Variants in TEAD1 observed in about 807,000 individuals in gnomAD.
TEAD1 encodes TEA domain transcription factor 1, also known as transcriptional enhancer factor TEF-1.
TEAD1 carries 9 observed loss-of-function variants against 54.9 expected under a neutral mutation model. The observed-to-expected ratio is 0.16, with a 90% confidence interval of 0.10 to 0.29. The LOEUF (loss-of-function observed/expected upper bound fraction) is 0.29, where lower values mean the gene tolerates loss of function less well. Among genes scored for constraint, TEAD1 ranks in the 10% least tolerant of loss-of-function variants. The pLI is 1.00. For synonymous variants in TEAD1, 200 were observed against 187.8 expected, an observed-to-expected ratio of 1.07 and a Z score of -0.53; for missense variants, 387 against 535.9, an observed-to-expected ratio of 0.72 and a Z score of 2.74.
intron 2 of TEAD1, among the ~76,000 whole-genome samples, chr11:12,732,569 G>T (rs1359964843): frequency 6.6e-6 from 1 of 152,168 alleles, no homozygotes; most frequent in Non-Finnish European, 1.5e-5. Context: ...CATGGGTAAT[G>T]GATGTAGTAA....
rs1375059989 is a variant in TEAD1, at chr11:12,937,998, A to G, written c.*776A>G. The G allele has an allele frequency of 6.6e-6, 1 of 152,468 alleles. No individual in the cohort carries two copies. The highest frequency in any genetic ancestry group is 1.9e-4 in the East Asian group (1 of 5,200). 9.4% of individuals were successfully genotyped at this position (152,468 alleles called of 1,614,324 possible). The stretch of plus-strand genomic sequence containing the variant: ...ATATAGTATATTTAAAAAATATAAA[A>G]TTGTATTGTACTAATGTGATGATGG... On this transcript the variant is annotated 3_prime_UTR_variant, in exon 13 of 13. Coordinates refer to ENST00000527636, the MANE Select transcript of TEAD1 (RefSeq NM_021961.6).
intron 2 of TEAD1, among the ~76,000 whole-genome samples, chr11:12,720,508 T>A (rs191509944): frequency 9.1e-4 from 139 of 152,338 alleles, no homozygotes; most frequent in Middle Eastern, 6.8e-3. Context: ...ATTATTTAAT[T>A]ATCAGAACAA....
At chr11:12,680,894 T>C (rs769947765) in intron 2 of TEAD1, among the ~76,000 whole-genome samples, 14 of 152,186 alleles carry the variant, frequency 9.2e-5, no homozygotes, top group Non-Finnish European at 1.3e-4. Flanking sequence ...GATGTGGGCC[T>C]CAGATAAGCT....
chr11:12,725,448 CA>C (rs1944292678), intron 2 of TEAD1, among the ~76,000 whole-genome samples: 2 of 152,230 alleles, frequency 1.3e-5, no homozygotes, highest in South Asian at 2.1e-4. Flanking sequence ...TTGTGTATTT[CA>C]AAGTAACTAA....
intron 3 of TEAD1, among the ~76,000 whole-genome samples, chr11:12,817,691 G>A (rs1470581163): frequency 6.6e-6 from 1 of 152,118 alleles, no homozygotes; most frequent in Non-Finnish European, 1.5e-5. Flanking sequence ...TATTTCATGA[G>A]TACCCACGTT....
intron 2 of TEAD1, among the ~76,000 whole-genome samples, chr11:12,697,945 C>T (rs368727129): frequency 2.6e-5 from 4 of 151,730 alleles, no homozygotes; most frequent in African/African-American, 9.7e-5. Context: ...ATCGCTTGAA[C>T]CCAGGAGTCA....
intron 2 of TEAD1, 47 bp from the exon 3 acceptor site, chr11:12,764,132 G>A: frequency 8.1e-7 from 1 of 1,234,670 alleles, no homozygotes; most frequent in South Asian, 1.5e-5. Flanking sequence ...AGAGCATTAT[G>A]TTTGTGGTTA....
chr11:12,804,594 T>TGTGC (rs535744506), intron 3 of TEAD1, among the ~76,000 whole-genome samples: 135 of 152,308 alleles, frequency 8.9e-4, no homozygotes, highest in African/African-American at 3.1e-3. Flanking sequence ...TTTTGTTGAC[T>TGTGC]GTGCGATCAC....
chr11:12,841,039 A>G (rs1158988380), intron 3 of TEAD1, among the ~76,000 whole-genome samples: 2 of 152,240 alleles, frequency 1.3e-5, no homozygotes, highest in Non-Finnish European at 2.9e-5. Context: ...TTTAACATGA[A>G]AATACGCTAA....
intron 10 of TEAD1, among the ~76,000 whole-genome samples, chr11:12,908,583 A>C (rs1371085506): frequency 6.6e-6 from 1 of 152,228 alleles, no homozygotes; most frequent in Non-Finnish European, 1.5e-5. Context: ...CGTAAGGTGA[A>C]TAAACTATTA....
chr11:12,720,844 C>T (rs539529928), intron 2 of TEAD1, among the ~76,000 whole-genome samples: 2 of 152,292 alleles, frequency 1.3e-5, no homozygotes, highest in South Asian at 4.1e-4. Context: ...GACCCTCTCC[C>T]AGCATTCCCA....
chr11:12,793,524 A>G (rs1945850400), intron 3 of TEAD1, among the ~76,000 whole-genome samples: 1 of 152,118 alleles, frequency 6.6e-6, no homozygotes, highest in East Asian at 1.9e-4. Flanking sequence ...TTTCTTTCAT[A>G]CAATATTGTT....
chr11:12,751,605 T>C (rs555602522), intron 2 of TEAD1, among the ~76,000 whole-genome samples: 4 of 152,272 alleles, frequency 2.6e-5, no homozygotes, highest in African/African-American at 9.6e-5. Context: ...GACATATGGC[T>C]GAAGGGACAG....
At chr11:12,802,338 T>TTTTTTATTTCTTTTTTGA (rs1946076439) in intron 3 of TEAD1, among the ~76,000 whole-genome samples, 1 of 152,128 alleles carries the variant, frequency 6.6e-6, no homozygotes, top group Non-Finnish European at 1.5e-5. Context: ...GGAATAATGA[T>TTTTTTATTTCTTTTTTGA]GGGTTTTATT....
chr11:12,868,249 T>A (rs1325172364), intron 5 of TEAD1, among the ~76,000 whole-genome samples: 2 of 152,178 alleles, frequency 1.3e-5, no homozygotes, highest in African/African-American at 4.8e-5. Context: ...TGTTTTGAAT[T>A]GAAGCTTACT....
intron 3 of TEAD1, among the ~76,000 whole-genome samples, chr11:12,844,401 C>G (rs1947098542): frequency 1.3e-5 from 2 of 152,134 alleles, no homozygotes; most frequent in Admixed American, 1.3e-4. Context: ...CAGTTCCTCC[C>G]CCTTTTTATG....
intron 3 of TEAD1, among the ~76,000 whole-genome samples, chr11:12,792,122 T>C (rs1945815288): frequency 6.6e-6 from 1 of 152,118 alleles, no homozygotes; most frequent in Non-Finnish European, 1.5e-5. Context: ...GGAGACTATT[T>C]GAGATCACCT....
At chr11:12,917,039 G>A (rs1180483902) in intron 10 of TEAD1, among the ~76,000 whole-genome samples, 1 of 152,170 alleles carries the variant, frequency 6.6e-6, no homozygotes, top group Non-Finnish European at 1.5e-5. Context: ...CTCCTCTGTA[G>A]CCATGGAATC....
chr11:12,851,712 A>G (rs995049697), intron 3 of TEAD1, among the ~76,000 whole-genome samples: 1 of 152,202 alleles, frequency 6.6e-6, no homozygotes, highest in South Asian at 2.1e-4. Context: ...AGGCAGGAGA[A>G]TCACTTGAAC....
Sources: gnomAD v4.1 joint callset for allele counts (sites outside exome capture counted in the v4.1 genomes callset) on GRCh38, gnomAD v4.1.1 for gene constraint, MANE v1.5 for transcripts, NCBI Gene and HGNC (gene_info 2026-07-23, HGNC 2026-07-21) for gene names.